Variants in ZNF398 observed in about 807,000 individuals in gnomAD.
ZNF398 encodes zinc finger protein 398, also known as zinc finger DNA binding protein ZER6.
In ZNF398, 18 loss-of-function variants were observed where a neutral mutation model predicts 41.9. The ratio of observed to expected loss-of-function variants is 0.43; its 90% confidence interval spans 0.30 to 0.64. The LOEUF (loss-of-function observed/expected upper bound fraction) is 0.64, where lower values mean the gene tolerates loss of function less well. Ranked by LOEUF, ZNF398 falls within the 30% of genes least tolerant of loss-of-function variation. The pLI, the probability that ZNF398 is intolerant of heterozygous loss-of-function variation, is 0.14. For synonymous variants in ZNF398, 260 were observed against 308.8 expected (o/e 0.84, Z 1.66); for missense variants, 669 against 822.8 (o/e 0.81, Z 2.29).
intron 2 of ZNF398, among the ~76,000 whole-genome samples, chr7:149,138,401 G>GA (rs1316699222): frequency 6.6e-6 from 1 of 151,946 alleles, no homozygotes; most frequent in East Asian, 1.9e-4. Flanking sequence ...ACAACATGGC[G>GA]AAATACCATC....
rs1277816382 is a variant in ZNF398 at position 149,181,047 on chromosome 7, C to T, written c.*1246C>T. ...TGTTCTTTTCTTGGGGTGATTTAAT[C>T]ACCTGGGAGCATCTGAGTCTGCTCC... On this transcript the variant is annotated 3_prime_UTR_variant, in exon 6 of 6. Transcript: ENST00000475153. 1 of 152,644 alleles carries T rather than the reference C, an allele frequency of 6.6e-6. No individual in the cohort carries two copies. The highest frequency in any genetic ancestry group is 1.9e-4 in the East Asian group (1 of 5,202). 9.5% of individuals were successfully genotyped at this position (152,644 alleles called of 1,614,324 possible). A position where few individuals can be genotyped will look rare whatever the true frequency, so the allele number is the denominator to read the frequency against.
At chr7:149,138,353 G>A (rs1156320488) in intron 2 of ZNF398, among the ~76,000 whole-genome samples, 1 of 152,168 alleles carries the variant, frequency 6.6e-6, no homozygotes, top group African/African-American at 2.4e-5. Flanking sequence ...GCCGAGGTGG[G>A]TGGATCACCT....
chr7:149,152,276 T>TC (rs1827137059), intron 1 of ZNF398, among the ~76,000 whole-genome samples: 1 of 150,904 alleles, frequency 6.6e-6, no homozygotes, highest in Admixed American at 6.6e-5. Context: ...TTTTTTTTTT[T>TC]TTGAGACGGA....
intron 1 of ZNF398, among the ~76,000 whole-genome samples, chr7:149,152,860 C>A (rs1253687496): frequency 7.2e-6 from 1 of 138,022 alleles, no homozygotes; most frequent in Non-Finnish European, 1.6e-5. Flanking sequence ...TGCCCAGCCT[C>A]TTTTTTTTTT....
chr7:149,155,707 A>ATATATTTTTT (rs1794954712), intron 2 of ZNF398, among the ~76,000 whole-genome samples: 1 of 73,578 alleles, frequency 1.4e-5, no homozygotes, highest in African/African-American at 6.8e-5. Context: ...ATATATATAT[A>ATATATTTTTT]TTTTTTTTTT....
intron 4 of ZNF398, among the ~76,000 whole-genome samples, chr7:149,176,054 C>G (rs770939484): frequency 6.6e-6 from 1 of 151,928 alleles, no homozygotes; most frequent in African/African-American, 2.4e-5. Flanking sequence ...TATTTGGGGC[C>G]GGGCGCGGTG....
intron 4 of ZNF398, among the ~76,000 whole-genome samples, chr7:149,174,925 C>G (rs774044629): frequency 2.6e-5 from 4 of 152,144 alleles, no homozygotes; most frequent in African/African-American, 7.2e-5. Flanking sequence ...GTCTTTCCCC[C>G]CCTCTGCCTT....
intron 2 of ZNF398, among the ~76,000 whole-genome samples, chr7:149,164,204 G>A (rs1795176020): frequency 1.3e-5 from 2 of 151,500 alleles, no homozygotes; most frequent in South Asian, 2.1e-4. Flanking sequence ...TCAGGAGATC[G>A]AGACCATCCT....
At chr7:149,146,137 G>A (rs901962166), upstream of ZNF398, among the ~76,000 whole-genome samples, 1 of 151,778 alleles carries the variant, frequency 6.6e-6, no homozygotes, top group Non-Finnish European at 1.5e-5. Flanking sequence ...AGTAGAGACG[G>A]GGTTTCACCA....
chr7:149,128,800 T>TA (rs1481484027), intron 1 of ZNF398: 2 of 149,572 alleles, frequency 1.3e-5, no homozygotes, highest in African/African-American at 4.9e-5. Flanking sequence ...ATATATATTG[T>TA]TTGTTTGTTG....
intron 2 of ZNF398, among the ~76,000 whole-genome samples, chr7:149,141,480 A>G (rs1826825863): frequency 8.9e-6 from 1 of 112,808 alleles, no homozygotes; most frequent in Non-Finnish European, 1.7e-5. Context: ...TTTGAGACGG[A>G]GTCTCACTCT....
At chr7:149,140,945 C>T (rs763234368) in intron 2 of ZNF398, among the ~76,000 whole-genome samples, 9 of 149,358 alleles carry the variant, frequency 6.0e-5, no homozygotes, top group South Asian at 2.1e-4. Flanking sequence ...GAGGCTGAGA[C>T]GGGAGAATTG....
At chr7:149,127,822 G>T (rs1826518174) in intron 1 of ZNF398, among the ~76,000 whole-genome samples, 1 of 151,876 alleles carries the variant, frequency 6.6e-6, no homozygotes, top group South Asian at 2.1e-4. Flanking sequence ...CTGTAACCAG[G>T]ATACGGAAGA....
At chr7:149,135,965 C>T (rs1310421023) in intron 2 of ZNF398, among the ~76,000 whole-genome samples, 2 of 151,666 alleles carry the variant, frequency 1.3e-5, no homozygotes, top group African/African-American at 2.4e-5. Flanking sequence ...AAACTAATAA[C>T]AATAATAATA....
At chr7:149,143,481 G>A (rs530788583), upstream of ZNF398, among the ~76,000 whole-genome samples, 6 of 152,328 alleles carry the variant, frequency 3.9e-5, no homozygotes, top group East Asian at 1.2e-3. Flanking sequence ...TGCAGGGAAA[G>A]TCAAGATGCA....
chr7:149,166,359 A>T, intron 3 of ZNF398, 75 bp downstream of exon 3: 1 of 1,567,496 alleles, frequency 6.4e-7, no homozygotes, highest in African/African-American at 1.4e-5. Context: ...CTTTTCCTCC[A>T]GTGACCTCAT....
rs539811127 is a variant in ZNF398 at position 149,147,779 on chromosome 7, G to A, written c.24+13G>A. ...GGCCCCGGCCCCGGTAAGGGCGGCC[G>A]CGCGCGAGTGTTGTGAGCCCCCGAG... is the stretch of plus-strand genomic sequence containing the variant. On this transcript the variant is annotated intron_variant, in intron 1 of 5. Coordinates refer to ENST00000475153, the MANE Select transcript of ZNF398 (RefSeq NM_170686.3). The surrounding 1 kb of genome is among the most constrained non-coding windows in gnomAD (Gnocchi z 5.6). The A allele has an allele frequency of 1.2e-4, 169 of 1,394,422 alleles. No individual in the cohort carries two copies. The African/African-American group carries it at 2.3e-3, about 19-fold the overall frequency. 86.4% of individuals were successfully genotyped at this position (1,394,422 alleles called of 1,614,324 possible).
rs1174737776 is a variant in ZNF398, at chr7:149,170,920, T to C, written c.661+3990T>C. Among the ~76,000 whole-genome samples, 5 of 151,864 alleles carry C rather than the reference T, an allele frequency of 3.3e-5. No homozygotes were observed. The East Asian group carries it at 9.7e-4, about 29-fold the overall frequency. On this transcript the variant is annotated intron_variant, in intron 4 of 5. Transcript: ENST00000475153. Reference sequence around the variant, plus strand: ...AATTTATAGAAACATTTTTTCTTTTTTTTTTTTGAGCCTCCTGGGTTCAAG... The same window carrying C: ...AATTTATAGAAACATTTTTTCTTTTCTTTTTTTGAGCCTCCTGGGTTCAAG...
At chr7:149,156,729 C>T (rs1202701626) in intron 2 of ZNF398, among the ~76,000 whole-genome samples, 5 of 143,084 alleles carry the variant, frequency 3.5e-5, no homozygotes, top group African/African-American at 5.2e-5. Flanking sequence ...GGCCTGGTGG[C>T]GCATACCCGT....
Sources: gnomAD v4.1 joint callset for allele counts (sites outside exome capture counted in the v4.1 genomes callset) on GRCh38, gnomAD v4.1.1 for gene constraint, Gnocchi (gnomAD v3.1) non-coding constraint, MANE v1.5 for transcripts, NCBI Gene and HGNC (gene_info 2026-07-23, HGNC 2026-07-21) for gene names.